Variants in WDR70 observed in about 807,000 individuals in gnomAD.
WDR70 encodes WD repeat-containing protein 70.
Under a neutral mutation model 88.6 loss-of-function variants are expected in WDR70, and 53 were observed. The observed-to-expected ratio is 0.60, with a 90% CI of 0.48 to 0.75. The LOEUF is 0.75. Ranked by LOEUF, WDR70 falls within the 30% of genes least tolerant of loss-of-function variation. The pLI is 0.00. For synonymous variants in WDR70, 280 were observed against 270.0 expected, an observed-to-expected ratio of 1.04 and a Z score of -0.36; for missense variants, 610 against 823.2, an observed-to-expected ratio of 0.74 and a Z score of 3.17.
intron 8 of WDR70, among the ~76,000 whole-genome samples, chr5:37,508,936 C>A (rs915923320): frequency 6.6e-6 from 1 of 152,100 alleles, no homozygotes; most frequent in African/African-American, 2.4e-5. Flanking sequence ...TTTTTGAAAG[C>A]TTTTAACTAT....
At chr5:37,506,944 C>A in intron 8 of WDR70, 1 of 749,450 alleles carries the variant, frequency 1.3e-6, no homozygotes, top group Non-Finnish European at 2.4e-6. Flanking sequence ...CCTTTCCCTT[C>A]CCTCCACCCA....
intron 5 of WDR70, among the ~76,000 whole-genome samples, chr5:37,412,692 T>C (rs1174660266): frequency 6.6e-6 from 1 of 152,196 alleles, no homozygotes. Context: ...GAGTCCAAGT[T>C]TGGGCCACCA....
intron 13 of WDR70, among the ~76,000 whole-genome samples, chr5:37,720,633 A>G (rs1174840488): frequency 6.6e-6 from 1 of 152,230 alleles, no homozygotes; most frequent in African/African-American, 2.4e-5. Flanking sequence ...TTAAATGCCT[A>G]CAAATGTGCA....
At chr5:37,554,385 G>A (rs187155957) in intron 9 of WDR70, among the ~76,000 whole-genome samples, 1 of 152,136 alleles carries the variant, frequency 6.6e-6, no homozygotes, top group Non-Finnish European at 1.5e-5. Context: ...CCTGACTCAA[G>A]TTCTGTGAGA....
intron 13 of WDR70, among the ~76,000 whole-genome samples, chr5:37,709,924 C>A (rs1173138862): frequency 6.6e-6 from 1 of 152,118 alleles, no homozygotes; most frequent in Non-Finnish European, 1.5e-5. Flanking sequence ...CAGCTGGGCT[C>A]ACCTACTAAG....
Position 37,752,624 on chromosome 5 carries a change from T to C in WDR70, c.*51T>C. On this transcript the variant is annotated 3_prime_UTR_variant, in exon 18 of 18. Transcript: ENST00000265107. ...ATGAGTGGGAGGGGTATGGGACAGG[T>C]TTGGGTTTTTTTTTTATGCTCATGA... 3.0e-6 allele frequency: 4 copies of C among 1,345,864 alleles called. No individual in the cohort carries two copies. Among genetic ancestry groups the C allele is most frequent in the Non-Finnish European group, 4.1e-6 (4 of 971,488 alleles). 83.4% of individuals were successfully genotyped at this position (1,345,864 alleles called of 1,614,324 possible). A position where few individuals can be genotyped will look rare whatever the true frequency, so the allele number is the denominator to read the frequency against.
intron 17 of WDR70, among the ~76,000 whole-genome samples, chr5:37,743,816 G>A (rs1321377073): frequency 6.6e-6 from 1 of 152,218 alleles, no homozygotes; most frequent in Non-Finnish European, 1.5e-5. Flanking sequence ...AGTCTTTGCA[G>A]ACCAACAGAC....
chr5:37,580,232 G>A (rs995456519), intron 9 of WDR70, among the ~76,000 whole-genome samples: 3 of 152,102 alleles, frequency 2.0e-5, no homozygotes, highest in Admixed American at 6.5e-5. Flanking sequence ...TTTGGAAGCC[G>A]TATTGCCAAG....
intron 11 of WDR70, among the ~76,000 whole-genome samples, chr5:37,699,398 TATATACAC>T (rs772985896): frequency 4.2e-4 from 31 of 74,092 alleles, no homozygotes; most frequent in Non-Finnish European, 7.3e-4. Context: ...TGTGTATATA[TATATACAC>T]ACACACACAC....
rs1741616629 is a variant in WDR70, at chr5:37,534,898, T to C, written c.917+18308T>C. Among the ~76,000 whole-genome samples the C allele has an allele frequency of 2.6e-5, 4 of 152,176 alleles. No homozygotes were observed. In the South Asian group the frequency reaches 8.3e-4, roughly 31 times the overall value. Reference sequence around the variant, plus strand: ...GAAATCTGCCAGTAATAAATTCAGATGGTTTGCTGTTTGGTTGATTTTTTT... The same window carrying C: ...GAAATCTGCCAGTAATAAATTCAGACGGTTTGCTGTTTGGTTGATTTTTTT... On this transcript the variant is annotated intron_variant, in intron 9 of 17. Coordinates refer to ENST00000265107, the MANE Select transcript of WDR70 (RefSeq NM_018034.4).
chr5:37,450,237 A>T (rs1472248742), intron 7 of WDR70, among the ~76,000 whole-genome samples: 6 of 152,146 alleles, frequency 3.9e-5, no homozygotes, highest in Non-Finnish European at 7.4e-5. Flanking sequence ...TAGTAGAATG[A>T]TTTATAATCC....
chr5:37,711,121 C>T (rs1747500252), intron 13 of WDR70, among the ~76,000 whole-genome samples: 1 of 152,060 alleles, frequency 6.6e-6, no homozygotes, highest in Non-Finnish European at 1.5e-5. Flanking sequence ...TCTAAGTTAG[C>T]TGCACATTTG....
chr5:37,674,172 T>C (rs1461520989), intron 10 of WDR70, among the ~76,000 whole-genome samples: 1 of 152,128 alleles, frequency 6.6e-6, no homozygotes, highest in African/African-American at 2.4e-5. Context: ...TTTCTTCCTG[T>C]AAGTCTTCGA....
intron 9 of WDR70, among the ~76,000 whole-genome samples, chr5:37,559,566 C>T (rs1385372292): frequency 2.0e-5 from 3 of 152,090 alleles, no homozygotes; most frequent in African/African-American, 7.2e-5. Context: ...TTTTTGAGGC[C>T]GGGCGCAGTG....
At chr5:37,688,197 T>C (rs890977956) in intron 10 of WDR70, among the ~76,000 whole-genome samples, 3 of 152,220 alleles carry the variant, frequency 2.0e-5, no homozygotes, top group Non-Finnish European at 4.4e-5. Flanking sequence ...CATAGAGCTG[T>C]AAATGACCCT....
chr5:37,469,492 C>T (rs577594660), intron 7 of WDR70, among the ~76,000 whole-genome samples: 76 of 152,280 alleles, frequency 5.0e-4, no homozygotes, highest in African/African-American at 1.8e-3. Context: ...AAACAGAATG[C>T]ATAACTCTGA....
intron 9 of WDR70, among the ~76,000 whole-genome samples, chr5:37,564,290 G>A (rs1174294900): frequency 6.6e-6 from 1 of 152,176 alleles, no homozygotes; most frequent in East Asian, 1.9e-4. Flanking sequence ...TCGGGAGGCC[G>A]AGGCTGGCAG....
chr5:37,490,904 G>A (rs1305537840), intron 8 of WDR70, among the ~76,000 whole-genome samples: 1 of 152,134 alleles, frequency 6.6e-6, no homozygotes, highest in African/African-American at 2.4e-5. Flanking sequence ...GGTATGAGGG[G>A]ATGTCATGGG....
intron 17 of WDR70, among the ~76,000 whole-genome samples, chr5:37,752,196 G>T (rs1748833963): frequency 6.6e-6 from 1 of 152,074 alleles, no homozygotes; most frequent in African/African-American, 2.4e-5. Context: ...GGTTAGGATG[G>T]GTGAAGTTCC....
Sources: allele counts gnomAD v4.1 joint callset (sites outside exome capture counted in the v4.1 genomes callset), GRCh38; gene constraint gnomAD v4.1.1; transcripts MANE v1.5; gene names NCBI Gene and HGNC (gene_info 2026-07-23, HGNC 2026-07-21).